TAFA4: variants seen among roughly 807,000 people sequenced by gnomAD.
TAFA4 encodes the protein TAFA chemokine like family member 4, also known as chemokine-like protein TAFA-4.
Under a neutral mutation model 21.1 loss-of-function variants are expected in TAFA4, and 20 were observed. The observed-to-expected ratio is 0.95, with a 90% confidence interval of 0.67 to 1.38. The LOEUF is 1.38. Among genes scored for constraint, TAFA4 ranks in the 40% most tolerant of loss-of-function variants. The probability of loss-of-function intolerance (pLI) is 0.00; values close to 1 mark genes in which losing one functional copy is unlikely to be tolerated. For synonymous variants in TAFA4, 71 were observed against 67.4 expected, an observed-to-expected ratio of 1.05 and a Z score of -0.26; for missense variants, 211 against 180.9, an observed-to-expected ratio of 1.17 and a Z score of -0.95.
At chr3:68,916,559 T>C (rs2090006782) in intron 1 of TAFA4, among the ~76,000 whole-genome samples, 1 of 152,260 alleles carries the variant, frequency 6.6e-6, no homozygotes, top group Admixed American at 6.5e-5. Context: ...ACTTCATTTA[T>C]GACTGCATTC....
At chr3:68,797,409 C>G (rs149718151) in intron 3 of TAFA4, among the ~76,000 whole-genome samples, 1 of 151,862 alleles carries the variant, frequency 6.6e-6, no homozygotes, top group Non-Finnish European at 1.5e-5. Context: ...GTCAGGAGAA[C>G]GAGACCATCC....
chr3:68,750,286 G>C (rs2106748701), intron 4 of TAFA4, among the ~76,000 whole-genome samples: 1 of 152,272 alleles, frequency 6.6e-6, no homozygotes. Flanking sequence ...GACAGAGCAA[G>C]ACCCTATCAT....
At chr3:68,923,045 C>T (rs2090074936) in intron 1 of TAFA4, among the ~76,000 whole-genome samples, 1 of 152,192 alleles carries the variant, frequency 6.6e-6, no homozygotes, top group Non-Finnish European at 1.5e-5. Context: ...AAACTACACA[C>T]ATCTGACTCA....
chr3:68,870,516 T>G (rs2089469892), intron 3 of TAFA4, among the ~76,000 whole-genome samples: 1 of 152,088 alleles, frequency 6.6e-6, no homozygotes, highest in Admixed American at 6.6e-5. Context: ...CATAGAGCAG[T>G]GGAACAGAAT....
Position 68,828,854 on chromosome 3 carries a change from T to C in TAFA4, c.130+51876A>G, listed in dbSNP as rs570994139. 2.8e-4 allele frequency among the ~76,000 whole-genome samples: 43 copies of C among 152,304 alleles called. No homozygotes were observed. In the South Asian group the frequency reaches 5.2e-3, roughly 18 times the overall value. ...ACAATTTGACTTCCTCTTTTCCTAA[T>C]TGAATATGCTTTATTTCTTTCTCTG... is the stretch of plus-strand genomic sequence containing the variant. On this transcript the variant is annotated intron_variant, in intron 3 of 5. Coordinates refer to ENST00000295569, the MANE Select transcript of TAFA4 (RefSeq NM_182522.5).
chr3:68,852,254 A>C (rs1016452227), intron 3 of TAFA4, among the ~76,000 whole-genome samples: 2 of 152,114 alleles, frequency 1.3e-5, no homozygotes, highest in African/African-American at 4.8e-5. Context: ...CCATGCATCT[A>C]AAGGAGGAGT....
Position 68,857,427 on chromosome 3 carries a change from A to C in TAFA4, c.130+23303T>G, listed in dbSNP as rs559466457. On this transcript the variant is annotated intron_variant, in intron 3 of 5. Coordinates refer to ENST00000295569, the MANE Select transcript of TAFA4 (RefSeq NM_182522.5). ...TTTGAAAAGAAGATAAACAGGAAATAATGTTAGGTGTTAGGTAATGAGGAC... is the reference window on the plus strand; with the variant it reads ...TTTGAAAAGAAGATAAACAGGAAATCATGTTAGGTGTTAGGTAATGAGGAC... Among the ~76,000 whole-genome samples the C allele has an allele frequency of 2.6e-5, 4 of 152,274 alleles. No individual in the cohort carries two copies. The South Asian group carries it at 8.3e-4, about 32-fold the overall frequency.
chr3:68,832,779 C>T (rs1285879017), intron 3 of TAFA4, among the ~76,000 whole-genome samples: 1 of 152,242 alleles, frequency 6.6e-6, no homozygotes, highest in Non-Finnish European at 1.5e-5. Context: ...TTCAGATATG[C>T]CCTGCCTCCA....
intron 3 of TAFA4, among the ~76,000 whole-genome samples, chr3:68,784,790 G>T (rs1043490194): frequency 1.3e-5 from 2 of 152,182 alleles, no homozygotes; most frequent in Non-Finnish European, 2.9e-5. Context: ...CAGTGGTTCT[G>T]TTTTGACAGG....
intron 1 of TAFA4, among the ~76,000 whole-genome samples, chr3:68,915,558 C>G (rs918461245): frequency 3.3e-5 from 5 of 152,114 alleles, no homozygotes; most frequent in African/African-American, 1.2e-4. Flanking sequence ...AAATTTAACT[C>G]TCAAAATGGT....
intron 5 of TAFA4, among the ~76,000 whole-genome samples, chr3:68,733,420 T>G (rs369360344): frequency 1.3e-5 from 2 of 152,180 alleles, no homozygotes; most frequent in African/African-American, 2.4e-5. Flanking sequence ...CCCATCTGAT[T>G]AGGTACACTC....
rs11128096 is a variant in TAFA4 at position 68,819,275 on chromosome 3, A to T, written c.130+61455T>A. Among the ~76,000 whole-genome samples the T allele has an allele frequency of 0.016, 256 of 15,856 alleles. 9 individuals carry two copies. The East Asian group carries it at 0.5, about 31-fold the overall frequency. 10.4% of individuals were successfully genotyped at this position (15,856 alleles called of 152,430 possible). ...ACAGAGTGAGACCCTGTCTTTAATT[A>T]AAAAAAAAAAAAAAAAAAAAAAAAG... On this transcript the variant is annotated intron_variant, in intron 3 of 5. Coordinates refer to ENST00000295569, the MANE Select transcript of TAFA4 (RefSeq NM_182522.5).
At chr3:68,868,112 C>G (rs2087516) in intron 3 of TAFA4, among the ~76,000 whole-genome samples, 2 of 151,896 alleles carry the variant, frequency 1.3e-5, no homozygotes, top group African/African-American at 4.8e-5. Flanking sequence ...AAATTCACTT[C>G]ACCTATAAAG....
At chr3:68,894,204 G>C (rs112138962) in intron 1 of TAFA4, among the ~76,000 whole-genome samples, 2 of 150,868 alleles carry the variant, frequency 1.3e-5, no homozygotes, top group Non-Finnish European at 2.9e-5. Flanking sequence ...TGTCACCCAG[G>C]TTGGAGTGCA....
intron 5 of TAFA4, 143 bp from the exon 6 acceptor site, chr3:68,733,296 A>C (rs560953014): frequency 2.8e-6 from 3 of 1,070,154 alleles, no homozygotes; most frequent in Non-Finnish European, 3.9e-6. Context: ...CCAAATCAAC[A>C]GTTCAAATTC....
intron 3 of TAFA4, among the ~76,000 whole-genome samples, chr3:68,813,744 G>A (rs1396305449): frequency 6.6e-6 from 1 of 152,036 alleles, no homozygotes; most frequent in Non-Finnish European, 1.5e-5. Flanking sequence ...GGTACAAGGA[G>A]GAACTGGTAC....
intron 3 of TAFA4, among the ~76,000 whole-genome samples, chr3:68,807,841 C>T (rs972185895): frequency 1.3e-5 from 2 of 152,056 alleles, no homozygotes; most frequent in African/African-American, 4.8e-5. Context: ...GCATTTGAAG[C>T]TGTGTCATTC....
chr3:68,931,085 T>C (rs1347700375), intron 1 of TAFA4, among the ~76,000 whole-genome samples: 1 of 152,162 alleles, frequency 6.6e-6, no homozygotes, highest in Non-Finnish European at 1.5e-5. Context: ...AGGTGGCAGC[T>C]ACGAGTTATG....
intron 3 of TAFA4, among the ~76,000 whole-genome samples, chr3:68,820,084 A>G (rs1368552664): frequency 2.0e-5 from 3 of 152,226 alleles, no homozygotes; most frequent in African/African-American, 7.2e-5. Context: ...ATATATACAC[A>G]ATGCAATACT....
Sources: gnomAD v4.1 joint callset for allele counts (sites outside exome capture counted in the v4.1 genomes callset) on GRCh38, gnomAD v4.1.1 for gene constraint, MANE v1.5 for transcripts, NCBI Gene and HGNC (gene_info 2026-07-23, HGNC 2026-07-21) for gene names.